RBM18: variants seen among roughly 807,000 people sequenced by gnomAD.
RBM18 encodes probable RNA-binding protein 18.
In RBM18, 18 loss-of-function variants were observed where a neutral mutation model predicts 26.4. That is an observed-to-expected ratio of 0.68 (90% CI 0.47 to 1.01). RBM18 has a LOEUF of 1.01. RBM18 is among the 50% of genes least tolerant of loss of function. The pLI is 0.00. For missense variants in RBM18, 180 were observed against 219.2 expected (o/e 0.82, Z 1.13); for synonymous variants, 74 against 81.1 (o/e 0.91, Z 0.47).
At chr9:122,257,763 T>C (rs1198604609) in intron 2 of RBM18, among the ~76,000 whole-genome samples, 3 of 152,234 alleles carry the variant, frequency 2.0e-5, no homozygotes, top group African/African-American at 7.2e-5. Context: ...ATGGGAGACG[T>C]ATTCAAATCA....
At chr9:122,243,457 G>A (rs967196321) in intron 5 of RBM18, among the ~76,000 whole-genome samples, 1 of 152,170 alleles carries the variant, frequency 6.6e-6, no homozygotes, top group Non-Finnish European at 1.5e-5. Flanking sequence ...GAGCTGAATA[G>A]TCCTATATTG....
At chr9:122,248,204 T>C (rs558349994) in intron 3 of RBM18, among the ~76,000 whole-genome samples, 4 of 152,204 alleles carry the variant, frequency 2.6e-5, no homozygotes, top group Admixed American at 1.3e-4. Flanking sequence ...AAAATACAGA[T>C]AAATAATGTA....
In RBM18 at chr9:122,261,463, C is replaced by T. The variant is rs1466449660; in HGVS notation, c.30G>A (p.Leu10=). 6.2e-7 allele frequency: 1 copy of T among 1,614,156 alleles called. No homozygotes were observed. The highest frequency in any genetic ancestry group is 8.5e-7 in the Non-Finnish European group (1 of 1,179,984). ...CCTCTGAAAGGATGGATGCATTCTC[C>T]AGGGGAAGAGTTTTGGTTTCTGCTT... MEAETKTLP[L]ENASILSEGS... The change falls in exon 2 of 6, where the codon CTG becomes CTA. Residue 10 remains leucine, a synonymous_variant. Transcript: ENST00000417201.
intron 2 of RBM18, among the ~76,000 whole-genome samples, chr9:122,257,426 G>T (rs375017970): frequency 6.6e-6 from 1 of 152,162 alleles, no homozygotes; most frequent in Non-Finnish European, 1.5e-5. Context: ...GATTACAGGC[G>T]TTGAACCCCA....
chr9:122,248,012 T>A (rs1232324974), intron 3 of RBM18, among the ~76,000 whole-genome samples: 1 of 152,078 alleles, frequency 6.6e-6, no homozygotes, highest in Non-Finnish European at 1.5e-5. Context: ...TGTCTCAATC[T>A]CCCAACTTAA....
chr9:122,247,106 A>T (rs1831517242), intron 4 of RBM18, among the ~76,000 whole-genome samples: 1 of 152,202 alleles, frequency 6.6e-6, no homozygotes, highest in Non-Finnish European at 1.5e-5. Context: ...CACAGAAACT[A>T]CCCATGTCTC....
At chr9:122,247,823 G>A (rs1254239896) in intron 3 of RBM18, among the ~76,000 whole-genome samples, 4 of 133,302 alleles carry the variant, frequency 3.0e-5, no homozygotes, top group Middle Eastern at 5.9e-3. Context: ...TTGCTCTGTC[G>A]CCAGGCTCTG....
At chr9:122,250,911 T>C (rs916882006) in intron 3 of RBM18, among the ~76,000 whole-genome samples, 4 of 150,536 alleles carry the variant, frequency 2.7e-5, no homozygotes, top group African/African-American at 9.7e-5. Flanking sequence ...AAATTATTAT[T>C]ATTATTATTA....
chr9:122,243,433 C>T (rs563933851), intron 5 of RBM18, among the ~76,000 whole-genome samples: 2 of 152,152 alleles, frequency 1.3e-5, no homozygotes, highest in Non-Finnish European at 2.9e-5. Flanking sequence ...ATTTTTTCTT[C>T]TCCATCAAGT....
chr9:122,258,620 G>A (rs1185905972), intron 2 of RBM18, among the ~76,000 whole-genome samples: 1 of 151,858 alleles, frequency 6.6e-6, no homozygotes. Flanking sequence ...CAGTCTGTTT[G>A]ACAGATAAAA....
At chr9:122,257,945 A>G (rs1252766808) in intron 2 of RBM18, among the ~76,000 whole-genome samples, 1 of 152,236 alleles carries the variant, frequency 6.6e-6, no homozygotes, top group Admixed American at 6.5e-5. Flanking sequence ...AGTCATTAGA[A>G]GTTTACAGAT....
At chr9:122,250,081 G>GA (rs1361690347) in intron 3 of RBM18, among the ~76,000 whole-genome samples, 82 of 30,502 alleles carry the variant, frequency 2.7e-3, no homozygotes, top group Non-Finnish European at 5.0e-3. Flanking sequence ...AAAAAAAAAA[G>GA]AATGCTAATT....
At chr9:122,247,785 GTTT>G (rs34974193) in intron 3 of RBM18, among the ~76,000 whole-genome samples, 181 bp from the exon 4 acceptor site, 1 of 132,784 alleles carries the variant, frequency 7.5e-6, no homozygotes. Context: ...TTTTTTTGTT[GTTT>G]TTTTTTTTTT....
intron 3 of RBM18, 84 bp downstream of exon 3, chr9:122,251,763 G>T: frequency 1.6e-6 from 2 of 1,288,486 alleles, no homozygotes; most frequent in South Asian, 1.3e-5. Context: ...ACAGGGAACT[G>T]CTATTCTAGT....
At chr9:122,257,281 A>G (rs1405379492) in intron 2 of RBM18, among the ~76,000 whole-genome samples, 1 of 152,110 alleles carries the variant, frequency 6.6e-6, no homozygotes, top group Non-Finnish European at 1.5e-5. Context: ...AGCTGGGACT[A>G]CAGGCACCCA....
At chr9:122,264,606 G>T (rs2118987970) in intron 1 of RBM18, 109 bp downstream of exon 1, 1 of 152,482 alleles carries the variant, frequency 6.6e-6, no homozygotes, top group Non-Finnish European at 1.5e-5. Flanking sequence ...GCCAGCGACA[G>T]GACAATCCGG....
chr9:122,246,114 A>G (rs1056674964), intron 4 of RBM18, among the ~76,000 whole-genome samples: 5 of 152,250 alleles, frequency 3.3e-5, no homozygotes, highest in African/African-American at 1.2e-4. Context: ...AAAACATTCT[A>G]CAGTAAAGTA....
chr9:122,246,902 C>A (rs1258553768), intron 4 of RBM18, among the ~76,000 whole-genome samples: 3 of 152,084 alleles, frequency 2.0e-5, no homozygotes, highest in African/African-American at 7.2e-5. Flanking sequence ...GAACAGAATG[C>A]CATTTGTTTT....
intron 2 of RBM18, chr9:122,254,424 G>C (rs894977182): frequency 1.0e-5 from 3 of 298,656 alleles, no homozygotes; most frequent in Non-Finnish European, 5.0e-6. Flanking sequence ...GGGGACTGCA[G>C]GCTCTGATAG....
Sources: allele counts gnomAD v4.1 joint callset (sites outside exome capture counted in the v4.1 genomes callset), GRCh38; gene constraint gnomAD v4.1.1; transcripts MANE v1.5; gene names NCBI Gene and HGNC (gene_info 2026-07-23, HGNC 2026-07-21).